Variants in SGK3 observed in about 807,000 individuals in gnomAD.
SGK3 encodes serine/threonine-protein kinase Sgk3.
A neutral mutation model predicts 68.5 loss-of-function variants in SGK3; 47 were observed. The ratio of observed to expected loss-of-function variants is 0.69; its 90% confidence interval spans 0.54 to 0.87. The LOEUF (loss-of-function observed/expected upper bound fraction) is 0.87. Among genes scored for constraint, SGK3 ranks in the 40% least tolerant of loss-of-function variants. The pLI is 0.00. For synonymous variants in SGK3, 181 were observed against 189.1 expected (o/e 0.96, Z 0.35); for missense variants, 479 against 575.5 (o/e 0.83, Z 1.72).
At chr8:66,810,179 A>G (rs111372279) in intron 4 of SGK3, among the ~76,000 whole-genome samples, 3,329 of 152,212 alleles carry the variant, frequency 0.022, 133 homozygotes, top group African/African-American at 0.076. Flanking sequence ...TGTTTTTTTA[A>G]AGATACTGCC....
intron 8 of SGK3, among the ~76,000 whole-genome samples, chr8:66,835,410 T>C (rs1470270500): frequency 6.6e-6 from 1 of 152,186 alleles, no homozygotes; most frequent in Admixed American, 6.5e-5. Flanking sequence ...CTTATCCTTG[T>C]TAATGTAGCC....
intron 6 of SGK3, among the ~76,000 whole-genome samples, chr8:66,826,634 T>G (rs1269278270): frequency 3.3e-5 from 5 of 152,118 alleles, no homozygotes; most frequent in African/African-American, 4.8e-5. Context: ...CATGAGAAAC[T>G]TCTTTATTTT....
At chr8:66,750,980 C>G (rs1329350225) in intron 1 of SGK3, among the ~76,000 whole-genome samples, 2 of 150,990 alleles carry the variant, frequency 1.3e-5, no homozygotes, top group Non-Finnish European at 2.9e-5. Context: ...GCACTCCAGC[C>G]TGGGTGATAC....
chr8:66,717,219 C>CA (rs1190981693), intron 1 of SGK3, among the ~76,000 whole-genome samples: 31 of 106,668 alleles, frequency 2.9e-4, no homozygotes, highest in East Asian at 9.0e-4. Context: ...AAAAAAAAAA[C>CA]AAAAAAAACA....
At chr8:66,765,841 C>T (rs577506355) in intron 1 of SGK3, among the ~76,000 whole-genome samples, 5 of 151,152 alleles carry the variant, frequency 3.3e-5, no homozygotes, top group African/African-American at 9.7e-5. Flanking sequence ...CTGACTAACA[C>T]GGTGAAACTC....
At chr8:66,809,163 C>T (rs1238793569) in intron 4 of SGK3, among the ~76,000 whole-genome samples, 1 of 152,156 alleles carries the variant, frequency 6.6e-6, no homozygotes, top group Admixed American at 6.5e-5. Flanking sequence ...ACTCCTGGCT[C>T]ATAATTTATT....
chr8:66,795,353 T>G (rs1807636998), intron 2 of SGK3, among the ~76,000 whole-genome samples: 1 of 152,226 alleles, frequency 6.6e-6, no homozygotes, highest in East Asian at 1.9e-4. Flanking sequence ...AGCCTCTATA[T>G]TGCAGGAATA....
At chr8:66,820,747 A>G (rs1461031206) in intron 5 of SGK3, among the ~76,000 whole-genome samples, 2 of 152,108 alleles carry the variant, frequency 1.3e-5, no homozygotes, top group African/African-American at 2.4e-5. Flanking sequence ...TTTGTCACCC[A>G]TGCTAGAATG....
intron 1 of SGK3, among the ~76,000 whole-genome samples, chr8:66,762,295 A>T (rs1806196296): frequency 6.6e-6 from 1 of 152,134 alleles, no homozygotes; most frequent in African/African-American, 2.4e-5. Flanking sequence ...AAAACATAAC[A>T]TCAGCTGGAC....
At chr8:66,727,070 A>G (rs1223811651) in intron 1 of SGK3, among the ~76,000 whole-genome samples, 3 of 152,100 alleles carry the variant, frequency 2.0e-5, no homozygotes, top group African/African-American at 4.8e-5. Flanking sequence ...CCTATTAACC[A>G]AGTAAAGATG....
intron 3 of SGK3, among the ~76,000 whole-genome samples, 162 bp from the exon 4 acceptor site, chr8:66,804,213 A>G (rs559127829): frequency 1.2e-4 from 18 of 152,274 alleles, no homozygotes; most frequent in Admixed American, 1.0e-3. Context: ...AGTTTGTGAC[A>G]TTTTATTGGT....
At chr8:66,835,599 G>A (rs1336368867) in intron 8 of SGK3, among the ~76,000 whole-genome samples, 164 bp from the exon 9 acceptor site, 1 of 152,166 alleles carries the variant, frequency 6.6e-6, no homozygotes, top group African/African-American at 2.4e-5. Flanking sequence ...AAGTGACAAA[G>A]AAAAGGTGCC....
At chr8:66,793,389 T>G (rs771972466) in intron 1 of SGK3, among the ~76,000 whole-genome samples, 1 of 152,202 alleles carries the variant, frequency 6.6e-6, no homozygotes, top group Non-Finnish European at 1.5e-5. Context: ...AACTGAGGTG[T>G]GTAAGTTCCT....
intron 1 of SGK3, among the ~76,000 whole-genome samples, chr8:66,721,720 T>C (rs1291829417): frequency 1.3e-5 from 2 of 151,722 alleles, no homozygotes; most frequent in Non-Finnish European, 2.9e-5. Flanking sequence ...TGCAACAGCA[T>C]TGTTTTGTGC....
At chr8:66,719,955 A>G (rs1804751117) in intron 1 of SGK3, among the ~76,000 whole-genome samples, 1 of 152,200 alleles carries the variant, frequency 6.6e-6, no homozygotes, top group Non-Finnish European at 1.5e-5. Flanking sequence ...TTTCTCTTAT[A>G]CAGGCTTGCT....
intron 8 of SGK3, among the ~76,000 whole-genome samples, chr8:66,833,782 C>T (rs1033255346): frequency 6.6e-6 from 1 of 152,238 alleles, no homozygotes; most frequent in East Asian, 1.9e-4. Flanking sequence ...ACCTCTGCCT[C>T]CTGGGTTCAA....
rs769303653 is a variant in SGK3 at position 66,861,733 on chromosome 8, A to G, written c.*2152A>G. 6.6e-5 allele frequency: 10 copies of G among 152,156 alleles called. No individual in the cohort carries two copies. The highest frequency in any genetic ancestry group is 2.0e-4 in the Admixed American group (3 of 15,274). The allele number at this position is 152,156 out of a possible 1,614,324, so 9.4% of individuals were successfully genotyped here. A position where few individuals can be genotyped will look rare whatever the true frequency, so the allele number is the denominator to read the frequency against. ...CTTATATTAATAATATTTACATCCA[A>G]TACACTGAATCTTCCTTTAGAGGTA... is the stretch of plus-strand genomic sequence containing the variant. On this transcript the variant is annotated 3_prime_UTR_variant, in exon 17 of 17. Transcript: ENST00000521198.
chr8:66,836,660 TAA>T (rs1295761329), intron 10 of SGK3, among the ~76,000 whole-genome samples: 2 of 150,924 alleles, frequency 1.3e-5, no homozygotes, highest in African/African-American at 4.9e-5. Flanking sequence ...GGCTTTATGA[TAA>T]AGTCTGTTTT....
intron 1 of SGK3, chr8:66,767,517 G>A: frequency 1.3e-6 from 2 of 1,512,858 alleles, no homozygotes; most frequent in South Asian, 1.1e-5. Context: ...AAGGTGAAGG[G>A]GGGCCCAGCT....
Sources: allele counts gnomAD v4.1 joint callset (sites outside exome capture counted in the v4.1 genomes callset), GRCh38; gene constraint gnomAD v4.1.1; transcripts MANE v1.5; gene names NCBI Gene and HGNC (gene_info 2026-07-23, HGNC 2026-07-21).